The following ADGRG6 variants were observed in gnomAD, a reference collection of about 807,000 sequenced individuals.
ADGRG6 encodes G-protein coupled receptor 126.
In ADGRG6, 84 loss-of-function variants were observed where a neutral mutation model predicts 142.4. The ratio of observed to expected loss-of-function variants is 0.59; its 90% CI spans 0.49 to 0.71. The LOEUF (loss-of-function observed/expected upper bound fraction) is 0.71, where lower values mean the gene tolerates loss of function less well. Ranked by LOEUF, ADGRG6 falls within the 30% of genes least tolerant of loss-of-function variation. The pLI is 0.00. For missense variants in ADGRG6, 1,367 were observed against 1,466.6 expected, an observed-to-expected ratio of 0.93 and a Z score of 1.11; for synonymous variants, 521 against 520.5, an observed-to-expected ratio of 1.00 and a Z score of -0.01.
chr6:142,338,146 G>C (rs1367205258), intron 2 of ADGRG6, among the ~76,000 whole-genome samples: 1 of 149,066 alleles, frequency 6.7e-6, no homozygotes, highest in Non-Finnish European at 1.5e-5. Context: ...TCAGCCTCCC[G>C]AGTAGCTGCG....
intron 2 of ADGRG6, among the ~76,000 whole-genome samples, chr6:142,317,867 T>A (rs1488064997): frequency 8.6e-4 from 62 of 72,024 alleles, no homozygotes; most frequent in South Asian, 1.8e-3. Flanking sequence ...TATATTATAT[T>A]TTTATATATT....
chr6:142,359,654 A>G (rs1209851599), intron 2 of ADGRG6, among the ~76,000 whole-genome samples: 1 of 152,238 alleles, frequency 6.6e-6, no homozygotes, highest in Non-Finnish European at 1.5e-5. Flanking sequence ...ATCACAATCT[A>G]CTTATTTATC....
intron 22 of ADGRG6, among the ~76,000 whole-genome samples, chr6:142,435,570 G>A (rs1244078263): frequency 1.3e-5 from 2 of 149,882 alleles, no homozygotes; most frequent in Middle Eastern, 3.2e-3. Context: ...ATTAACTCAT[G>A]TAGACTACAT....
chr6:142,419,974 G>C lies in ADGRG6; in HGVS notation c.3189G>C (p.Val1063=), dbSNP rs1776581909. The C allele has an allele frequency of 6.2e-7, 1 of 1,613,604 alleles. No individual in the cohort carries two copies. The highest frequency in any genetic ancestry group is 8.5e-7 in the Non-Finnish European group (1 of 1,179,658). The part of the protein sequence containing the change: ...KRSNRTLREE[V]LRNLRSVVSL... Reference sequence around the variant, plus strand: ...GCAACCGGACCCTGAGAGAAGAAGTGTTAAGGAACCTGCGCAGTGTGGTTA... The same window carrying C: ...GCAACCGGACCCTGAGAGAAGAAGTCTTAAGGAACCTGCGCAGTGTGGTTA... The change falls in exon 22 of 25, where the codon GTG becomes GTC. Residue 1063 remains valine, a synonymous_variant. Transcript: ENST00000367609.
chr6:142,390,660 A>T (rs1004787498), intron 7 of ADGRG6, among the ~76,000 whole-genome samples: 12 of 151,844 alleles, frequency 7.9e-5, no homozygotes, highest in African/African-American at 2.7e-4. Flanking sequence ...ATATTTTTAA[A>T]TAGATTATTT....
chr6:142,429,743 A>T (rs1276309855), intron 22 of ADGRG6, among the ~76,000 whole-genome samples: 1 of 152,208 alleles, frequency 6.6e-6, no homozygotes, highest in Non-Finnish European at 1.5e-5. Context: ...GTTCTTGACC[A>T]GTTTTTCCCA....
intron 9 of ADGRG6, among the ~76,000 whole-genome samples, chr6:142,395,708 T>G (rs1033336773): frequency 6.6e-6 from 1 of 152,206 alleles, no homozygotes; most frequent in Non-Finnish European, 1.5e-5. Context: ...TTATTTAATA[T>G]TTATGTTTAT....
chr6:142,317,878 A>G (rs1778199988), intron 2 of ADGRG6, among the ~76,000 whole-genome samples: 1 of 77,474 alleles, frequency 1.3e-5, no homozygotes, highest in African/African-American at 5.6e-5. Context: ...TTTATATATT[A>G]TATATATTTA....
chr6:142,308,749 C>T (rs1386868051), intron 1 of ADGRG6, among the ~76,000 whole-genome samples: 1 of 150,694 alleles, frequency 6.6e-6, no homozygotes, highest in Admixed American at 6.6e-5. Context: ...TCCTTCTTTG[C>T]TGGTTTGCCT....
chr6:142,328,795 A>G (rs1189027891), intron 2 of ADGRG6, among the ~76,000 whole-genome samples: 1 of 152,152 alleles, frequency 6.6e-6, no homozygotes, highest in Non-Finnish European at 1.5e-5. Flanking sequence ...TGTTTGCCCA[A>G]GCTTTCCAGG....
chr6:142,317,959 ATTTATATATT>A (rs1562306455), intron 2 of ADGRG6, among the ~76,000 whole-genome samples: 18 of 68,446 alleles, frequency 2.6e-4, no homozygotes, highest in African/African-American at 8.7e-4. Context: ...TATATTATAT[ATTTATATATT>A]ATATATATTT....
At chr6:142,366,178 C>G (rs537223239) in intron 2 of ADGRG6, among the ~76,000 whole-genome samples, 1 of 152,276 alleles carries the variant, frequency 6.6e-6, no homozygotes, top group East Asian at 1.9e-4. Flanking sequence ...CCTAACTGTT[C>G]TCATTAGTGA....
intron 2 of ADGRG6, among the ~76,000 whole-genome samples, chr6:142,341,409 T>A (rs369156343): frequency 3.3e-5 from 4 of 122,576 alleles, no homozygotes; most frequent in Admixed American, 1.0e-4. Flanking sequence ...TATAATATAT[T>A]ATATAATATA....
chr6:142,370,244 A>G lies in ADGRG6; in HGVS notation c.520A>G (p.Ser174Gly). 6.2e-7 allele frequency: 1 copy of G among 1,612,790 alleles called. No individual in the cohort carries two copies. Among genetic ancestry groups the G allele is most frequent in the Non-Finnish European group, 8.5e-7 (1 of 1,178,870 alleles). The part of the protein sequence containing the change: ...SDAYQVSVAK[S>G]ISIPELSAFT... ...TGCTTACCAGGTATCTGTTGCAAAA[A>G]GCATCTCTATTCCAGAGCTCAGTGC... Residue 174 changes from serine (S) to glycine (G), a missense_variant, in exon 4 of 25, where the codon AGC becomes GGC. Ser to Gly is a moderately conservative substitution (Grantham distance 56). This residue lies in a region of ADGRG6 where 737 missense variants were observed against 746.5 expected (regional missense o/e 0.99). Transcript: ENST00000367609.
intron 2 of ADGRG6, among the ~76,000 whole-genome samples, chr6:142,354,185 TA>T (rs923887853): frequency 6.6e-6 from 1 of 152,012 alleles, no homozygotes; most frequent in Non-Finnish European, 1.5e-5. Context: ...TTTCTCCTAT[TA>T]AAAAAAACCT....
At chr6:142,364,080 T>C (rs1780836060) in intron 2 of ADGRG6, among the ~76,000 whole-genome samples, 1 of 151,974 alleles carries the variant, frequency 6.6e-6, no homozygotes, top group South Asian at 2.1e-4. Context: ...GGTGCTACTA[T>C]CAATTAGATG....
At chr6:142,340,018 G>A (rs896702525) in intron 2 of ADGRG6, among the ~76,000 whole-genome samples, 26 of 152,094 alleles carry the variant, frequency 1.7e-4, no homozygotes, top group African/African-American at 6.0e-4. Context: ...AAATTAGATA[G>A]GGCTAAGCTA....
chr6:142,309,526 C>T lies in ADGRG6; in HGVS notation c.3-18C>T, dbSNP rs1582954262. 1.9e-6 allele frequency: 3 copies of T among 1,567,676 alleles called. No individual in the cohort carries two copies. In the African/African-American group the frequency reaches 4.1e-5, roughly 21 times the overall value. ...ACTGAATGTTGAATGTCCTAATTGCCATCTTCTTTCTTTGCAGGATGTTTC... is the reference window on the plus strand; with the variant it reads ...ACTGAATGTTGAATGTCCTAATTGCTATCTTCTTTCTTTGCAGGATGTTTC... On this transcript the variant is annotated intron_variant, in intron 1 of 24. Transcript: ENST00000367609.
intron 2 of ADGRG6, among the ~76,000 whole-genome samples, chr6:142,318,006 A>G (rs1338590461): frequency 2.3e-5 from 1 of 43,696 alleles, no homozygotes; most frequent in African/African-American, 1.1e-4. Flanking sequence ...TATTATATAT[A>G]ATATTTATGT....
Sources: gnomAD v4.1 joint callset for allele counts (sites outside exome capture counted in the v4.1 genomes callset) on GRCh38, gnomAD v4.1.1 for gene constraint, gnomAD v4.1.1 regional missense constraint, MANE v1.5 for transcripts, NCBI Gene and HGNC (gene_info 2026-07-23, HGNC 2026-07-21) for gene names.